Variants in NALF1 observed in about 807,000 individuals in gnomAD.
NALF1 encodes family with sequence similarity 155 member A.
A neutral mutation model predicts 48.4 loss-of-function variants in NALF1; 3 were observed. The observed-to-expected ratio is 0.06, with a 90% CI of 0.03 to 0.16. The LOEUF (loss-of-function observed/expected upper bound fraction) is 0.16. NALF1 is among the 10% of genes least tolerant of loss of function. The pLI, the probability that NALF1 is intolerant of heterozygous loss-of-function variation, is 1.00. For synonymous variants in NALF1, 262 were observed against 245.7 expected, an observed-to-expected ratio of 1.07 and a Z score of -0.62; for missense variants, 526 against 571.5, an observed-to-expected ratio of 0.92 and a Z score of 0.81.
chr13:107,710,229 T>G (rs1422744050), intron 1 of NALF1, among the ~76,000 whole-genome samples: 1 of 151,996 alleles, frequency 6.6e-6, no homozygotes, highest in African/African-American at 2.4e-5. Context: ...GTATCTATAT[T>G]GCAGACATAC....
chr13:107,580,177 C>T (rs1878265135), intron 1 of NALF1, among the ~76,000 whole-genome samples: 1 of 152,070 alleles, frequency 6.6e-6, no homozygotes, highest in African/African-American at 2.4e-5. Context: ...AATCATCATT[C>T]TCAGCAAACT....
At chr13:107,407,417 A>T (rs1474174008) in intron 1 of NALF1, among the ~76,000 whole-genome samples, 2 of 152,108 alleles carry the variant, frequency 1.3e-5, no homozygotes, top group East Asian at 3.9e-4. Flanking sequence ...AGGGAAAAAC[A>T]TGTAATAATC....
chr13:107,541,715 G>A lies in NALF1; in HGVS notation c.915+323967C>T, dbSNP rs181136045. Among the ~76,000 whole-genome samples the A allele has an allele frequency of 1.5e-3, 231 of 152,152 alleles. 1 individual carries two copies. Among genetic ancestry groups the A allele is most frequent in the Non-Finnish European group, 2.7e-3 (181 of 67,970 alleles). ...ATGATAGTCTTCTACTATAAACATGGAACAACAGATACAGAAAAGAAAAAA... is the reference window on the plus strand; with the variant it reads ...ATGATAGTCTTCTACTATAAACATGAAACAACAGATACAGAAAAGAAAAAA... On this transcript the variant is annotated intron_variant, in intron 1 of 2. Coordinates refer to ENST00000375915, the MANE Select transcript of NALF1 (RefSeq NM_001080396.3).
In NALF1 at chr13:107,189,820, T is replaced by C. The variant is rs1879245784; in HGVS notation, c.1088-19034A>G. On this transcript the variant is annotated intron_variant, in intron 2 of 2. Transcript: ENST00000375915. The stretch of plus-strand genomic sequence containing the variant: ...TGCCTAAGGAGTTTCATGAAGCACA[T>C]TTAGGAATTTGGAATAATTTAAGTG... Among the ~76,000 whole-genome samples the C allele has an allele frequency of 2.6e-5, 4 of 152,172 alleles. No homozygotes were observed. In the South Asian group the frequency reaches 8.3e-4, roughly 32 times the overall value.
chr13:107,176,756 A>G (rs949412812), intron 2 of NALF1, among the ~76,000 whole-genome samples: 1 of 152,180 alleles, frequency 6.6e-6, no homozygotes, highest in Non-Finnish European at 1.5e-5. Flanking sequence ...GATAAATACT[A>G]AAATCAGAAT....
intron 1 of NALF1, among the ~76,000 whole-genome samples, chr13:107,367,781 T>C (rs1042790958): frequency 3.9e-5 from 6 of 152,192 alleles, no homozygotes; most frequent in African/African-American, 1.4e-4. Flanking sequence ...GACCATCTAC[T>C]AGGCAAACAT....
chr13:107,171,778 T>C (rs530762100), intron 2 of NALF1, among the ~76,000 whole-genome samples: 2 of 151,672 alleles, frequency 1.3e-5, no homozygotes, highest in South Asian at 2.1e-4. Context: ...CTGAACCATT[T>C]ATCCATGGGT....
At chr13:107,492,927 A>G (rs926571395) in intron 1 of NALF1, among the ~76,000 whole-genome samples, 1 of 152,240 alleles carries the variant, frequency 6.6e-6, no homozygotes, top group African/African-American at 2.4e-5. Flanking sequence ...ATTAATATGT[A>G]GAATAATTAT....
intron 1 of NALF1, among the ~76,000 whole-genome samples, chr13:107,816,647 A>G (rs995865225): frequency 1.3e-5 from 2 of 152,190 alleles, no homozygotes; most frequent in South Asian, 2.1e-4. Flanking sequence ...GGTGAATTAT[A>G]TAACAGTAAA....
chr13:107,505,972 C>A (rs370500626), intron 1 of NALF1, among the ~76,000 whole-genome samples: 1 of 151,978 alleles, frequency 6.6e-6, no homozygotes, highest in South Asian at 2.1e-4. Flanking sequence ...AATGAAGGCT[C>A]AATAAATACT....
intron 2 of NALF1, among the ~76,000 whole-genome samples, chr13:107,204,899 C>T (rs1879602090): frequency 7.1e-6 from 1 of 140,942 alleles, no homozygotes; most frequent in African/African-American, 2.6e-5. Context: ...CATACGCATA[C>T]GCAGGGGAAA....
intron 1 of NALF1, among the ~76,000 whole-genome samples, chr13:107,403,662 C>CT (rs1883850611): frequency 6.6e-6 from 1 of 151,794 alleles, no homozygotes; most frequent in African/African-American, 2.4e-5. Context: ...TTAATACATG[C>CT]TAAGCACTGA....
At chr13:107,262,142 T>A (rs991118925) in intron 1 of NALF1, among the ~76,000 whole-genome samples, 5 of 152,178 alleles carry the variant, frequency 3.3e-5, no homozygotes, top group African/African-American at 1.2e-4. Flanking sequence ...AGGCCAGGCA[T>A]GGTGGCTCAT....
intron 2 of NALF1, 31 bp downstream of exon 2, chr13:107,210,553 C>T (rs752770995): frequency 7.3e-5 from 111 of 1,512,032 alleles, no homozygotes; most frequent in Non-Finnish European, 1.0e-4. Context: ...CCACCGGAGA[C>T]TGGTGTACAG....
chr13:107,750,148 C>T (rs1876895000), intron 1 of NALF1, among the ~76,000 whole-genome samples: 1 of 152,134 alleles, frequency 6.6e-6, no homozygotes, highest in African/African-American at 2.4e-5. Context: ...GCCTCACTAA[C>T]CTCACAGTCA....
At chr13:107,276,747 T>C (rs1392454299) in intron 1 of NALF1, among the ~76,000 whole-genome samples, 1 of 152,050 alleles carries the variant, frequency 6.6e-6, no homozygotes, top group Non-Finnish European at 1.5e-5. Context: ...ATAATCAAAC[T>C]GTATCAAGAG....
intron 1 of NALF1, among the ~76,000 whole-genome samples, chr13:107,564,629 T>C (rs542627763): frequency 6.6e-6 from 1 of 152,292 alleles, no homozygotes; most frequent in Admixed American, 6.5e-5. Context: ...ATATAAAGTA[T>C]GGATGCCACT....
chr13:107,469,965 G>C (rs1490083162), intron 1 of NALF1, among the ~76,000 whole-genome samples: 1 of 151,462 alleles, frequency 6.6e-6, no homozygotes, highest in African/African-American at 2.4e-5. Flanking sequence ...GGATGGTCTC[G>C]ATCTCCTGAC....
chr13:107,521,828 T>G (rs886466074), intron 1 of NALF1, among the ~76,000 whole-genome samples: 10 of 151,698 alleles, frequency 6.6e-5, no homozygotes, highest in African/African-American at 2.2e-4. Context: ...AATTCTGTAC[T>G]CTCCTGAAAT....
Sources: gnomAD v4.1 joint callset for allele counts (sites outside exome capture counted in the v4.1 genomes callset) on GRCh38, gnomAD v4.1.1 for gene constraint, MANE v1.5 for transcripts, NCBI Gene and HGNC (gene_info 2026-07-23, HGNC 2026-07-21) for gene names.